The following CORO2B variants were observed in gnomAD, a reference collection of about 807,000 sequenced individuals.
CORO2B encodes coronin 2B, also known as coronin-2B.
Under a neutral mutation model 58.8 loss-of-function variants are expected in CORO2B, and 26 were observed. The ratio of observed to expected loss-of-function variants is 0.44; its 90% CI spans 0.32 to 0.61. The LOEUF is 0.61. CORO2B is among the 20% of genes least tolerant of loss of function. The probability of loss-of-function intolerance (pLI) is 0.04; values close to 1 mark genes in which losing one functional copy is unlikely to be tolerated. For missense variants in CORO2B, 460 were observed against 645.1 expected (o/e 0.71, Z 3.11); for synonymous variants, 242 against 253.8 (o/e 0.95, Z 0.44).
Position 68,579,066 on chromosome 15 carries a change from C to T in CORO2B, c.-197C>T, listed in dbSNP as rs1200515174. The T allele has an allele frequency of 8.1e-6, 8 of 983,904 alleles. No homozygotes were observed. Among genetic ancestry groups the T allele is most frequent in the Middle Eastern group, 5.2e-4 (1 of 1,934 alleles). The allele number at this position is 983,904 out of a possible 1,614,324, so 60.9% of individuals were successfully genotyped here. On this transcript the variant is annotated 5_prime_UTR_variant, in exon 1 of 12. In the 5' UTR this introduces an upstream ATG that the reference lacks. Transcript: ENST00000261861. ...GCACATTCGGGGCTGACATCAGCGA[C>T]GAGCGGCGGGCGAGCGCCGACGAGC...
At chr15:68,619,746 C>T (rs897349128) in intron 1 of CORO2B, among the ~76,000 whole-genome samples, 4 of 150,740 alleles carry the variant, frequency 2.7e-5, no homozygotes, top group South Asian at 2.1e-4. Context: ...TATATGAGTG[C>T]GTGCATGCGT....
chr15:68,714,922 A>G (rs1258358962), intron 7 of CORO2B, among the ~76,000 whole-genome samples: 4 of 152,168 alleles, frequency 2.6e-5, no homozygotes, highest in African/African-American at 9.7e-5. Flanking sequence ...GTAGTCAGTG[A>G]TGAATGATGG....
Position 68,727,363 on chromosome 15 carries a change from T to G in CORO2B, c.*1389T>G, listed in dbSNP as rs1304439026. 2 of 152,442 alleles carry G rather than the reference T, an allele frequency of 1.3e-5. No individual in the cohort carries two copies. The highest frequency in any genetic ancestry group is 2.9e-5 in the Non-Finnish European group (2 of 68,038). The allele number at this position is 152,442 out of a possible 1,614,324, so 9.4% of individuals were successfully genotyped here. On this transcript the variant is annotated 3_prime_UTR_variant, in exon 12 of 12. Transcript: ENST00000261861. ...TACACATTTTCTTTTATTCCTTCTT[T>G]TTTCCTCCTTTCATTTCCCACTACG...
chr15:68,617,815 TC>T, intron 1 of CORO2B, among the ~76,000 whole-genome samples: 1 of 152,264 alleles, frequency 6.6e-6, no homozygotes, highest in Non-Finnish European at 1.5e-5. Flanking sequence ...GTGGTTGTCG[TC>T]CCAGTGGGTG....
chr15:68,647,309 C>G (rs1290113784), intron 2 of CORO2B, among the ~76,000 whole-genome samples: 1 of 152,166 alleles, frequency 6.6e-6, no homozygotes, highest in Non-Finnish European at 1.5e-5. Flanking sequence ...AAAACTCAAG[C>G]CACATACTTG....
chr15:68,534,081 C>A, the CORO2B span, among the ~76,000 whole-genome samples: 1 of 152,242 alleles, frequency 6.6e-6, no homozygotes, highest in Admixed American at 6.5e-5. Flanking sequence ...CCCTGGACAA[C>A]CTGCATAATG....
intron 1 of CORO2B, among the ~76,000 whole-genome samples, chr15:68,644,803 A>G (rs779114343): frequency 2.4e-4 from 36 of 152,130 alleles, no homozygotes; most frequent in Non-Finnish European, 4.7e-4. Context: ...CCAGATACTC[A>G]GGAGGGAGTC....
intron 2 of CORO2B, among the ~76,000 whole-genome samples, chr15:68,693,278 G>A (rs1239361619): frequency 1.3e-5 from 2 of 152,242 alleles, no homozygotes; most frequent in Non-Finnish European, 2.9e-5. Context: ...CAGGCAGGAA[G>A]TGGTGGGGAA....
intron 1 of CORO2B, among the ~76,000 whole-genome samples, chr15:68,601,073 G>A (rs1352982676): frequency 6.6e-6 from 1 of 152,200 alleles, no homozygotes; most frequent in East Asian, 1.9e-4. Context: ...CCCTCGATGG[G>A]GATGGGGTGG....
At chr15:68,618,548 T>C (rs1238626588) in intron 1 of CORO2B, among the ~76,000 whole-genome samples, 1 of 152,210 alleles carries the variant, frequency 6.6e-6, no homozygotes, top group Non-Finnish European at 1.5e-5. Context: ...GCTGAGGAGA[T>C]AGCACTGATG....
the CORO2B span, among the ~76,000 whole-genome samples, chr15:68,567,099 A>G: frequency 1.1e-4 from 17 of 152,218 alleles, no homozygotes; most frequent in African/African-American, 4.1e-4. Flanking sequence ...ATTAAATGAA[A>G]CAGGGTATAC....
the CORO2B span, among the ~76,000 whole-genome samples, chr15:68,536,173 T>C: frequency 1.3e-5 from 2 of 152,306 alleles, no homozygotes; most frequent in African/African-American, 2.4e-5. Context: ...ACAAGAATAT[T>C]GTGTGAGTCT....
At chr15:68,667,871 G>C (rs764891887) in intron 2 of CORO2B, among the ~76,000 whole-genome samples, 1 of 152,166 alleles carries the variant, frequency 6.6e-6, no homozygotes, top group Admixed American at 6.5e-5. Context: ...CATGGGCTTC[G>C]GGACCTGTAG....
intron 1 of CORO2B, among the ~76,000 whole-genome samples, chr15:68,599,943 G>A (rs1429530014): frequency 6.6e-6 from 1 of 152,202 alleles, no homozygotes; most frequent in Non-Finnish European, 1.5e-5. Context: ...GACTGGCTAG[G>A]AGGCATGCCC....
the CORO2B span, among the ~76,000 whole-genome samples, chr15:68,539,657 C>G: frequency 5.3e-5 from 8 of 151,954 alleles, no homozygotes; most frequent in Admixed American, 2.0e-4. Flanking sequence ...AGAGCAAGAC[C>G]ATGTCTCAAA....
chr15:68,707,067 A>G (rs994995202), intron 3 of CORO2B, among the ~76,000 whole-genome samples: 3 of 152,052 alleles, frequency 2.0e-5, no homozygotes, highest in African/African-American at 7.2e-5. Flanking sequence ...TTCCAGCGAT[A>G]GTCCTGCCTC....
At chr15:68,526,657 T>G in the CORO2B span, among the ~76,000 whole-genome samples, 3 of 152,224 alleles carry the variant, frequency 2.0e-5, no homozygotes, top group Non-Finnish European at 2.9e-5. Flanking sequence ...TACATATAGC[T>G]TTTGTCAGCT....
chr15:68,727,269 A>G lies in CORO2B; in HGVS notation c.*1295A>G, dbSNP rs549340441. Reference sequence around the variant, plus strand: ...GAGCCTCACGTCTACTCCCTTCTGCAGATGAGGAAACCGAGAGAAGTGGCC... The same window carrying G: ...GAGCCTCACGTCTACTCCCTTCTGCGGATGAGGAAACCGAGAGAAGTGGCC... On this transcript the variant is annotated 3_prime_UTR_variant, in exon 12 of 12. Coordinates refer to ENST00000261861, the MANE Select transcript of CORO2B (RefSeq NM_006091.5). 1 of 152,820 alleles carries G rather than the reference A, an allele frequency of 6.5e-6. No homozygotes were observed. The highest frequency in any genetic ancestry group is 1.9e-4 in the East Asian group (1 of 5,194). 9.5% of individuals were successfully genotyped at this position (152,820 alleles called of 1,614,324 possible). A position where few individuals can be genotyped will look rare whatever the true frequency, so the allele number is the denominator to read the frequency against.
At chr15:68,699,912 C>T (rs1050803027) in intron 3 of CORO2B, among the ~76,000 whole-genome samples, 19 of 152,170 alleles carry the variant, frequency 1.2e-4, no homozygotes, top group Non-Finnish European at 2.2e-4. Context: ...TCATCACGCT[C>T]AACATTTACA....
Sources: allele counts gnomAD v4.1 joint callset (sites outside exome capture counted in the v4.1 genomes callset), GRCh38; gene constraint gnomAD v4.1.1; transcripts MANE v1.5; gene names NCBI Gene and HGNC (gene_info 2026-07-23, HGNC 2026-07-21).